Variants in RETREG1 observed in about 807,000 individuals in gnomAD.
The protein encoded by RETREG1 is reticulophagy regulator 1.
Under a neutral mutation model 54.8 loss-of-function variants are expected in RETREG1, and 44 were observed. The observed-to-expected ratio is 0.80, with a 90% confidence interval of 0.63 to 1.03. The LOEUF (loss-of-function observed/expected upper bound fraction) is 1.03, where lower values mean the gene tolerates loss of function less well. RETREG1 is among the 50% of genes least tolerant of loss of function. The pLI is 0.00. For synonymous variants in RETREG1, 217 were observed against 238.5 expected (o/e 0.91, Z 0.83); for missense variants, 554 against 605.1 (o/e 0.92, Z 0.89).
intron 3 of RETREG1, among the ~76,000 whole-genome samples, chr5:16,556,949 C>A (rs1193303697): frequency 6.6e-6 from 1 of 152,182 alleles, no homozygotes; most frequent in Non-Finnish European, 1.5e-5. Flanking sequence ...CCTGCCTCAG[C>A]CTCCCAAGTA....
intron 1 of RETREG1, among the ~76,000 whole-genome samples, chr5:16,603,711 T>C (rs773391132): frequency 6.6e-6 from 1 of 151,200 alleles, no homozygotes; most frequent in Non-Finnish European, 1.5e-5. Context: ...GCACAACATG[T>C]CGGTACCCCA....
At chr5:16,544,906 C>A (rs985467267) in intron 3 of RETREG1, among the ~76,000 whole-genome samples, 12 of 152,112 alleles carry the variant, frequency 7.9e-5, no homozygotes, top group Admixed American at 7.9e-4. Context: ...TCCACTGGGG[C>A]CACATTATCT....
chr5:16,612,059 C>A (rs1255992594), intron 1 of RETREG1, among the ~76,000 whole-genome samples: 1 of 119,552 alleles, frequency 8.4e-6, no homozygotes, highest in African/African-American at 3.1e-5. Context: ...AGAGAGACTC[C>A]GTCTCAAAAA....
intron 3 of RETREG1, among the ~76,000 whole-genome samples, chr5:16,499,823 G>A (rs572146991): frequency 5.9e-5 from 9 of 152,278 alleles, no homozygotes; most frequent in East Asian, 3.9e-4. Flanking sequence ...TCTGGGCTTC[G>A]ACCCTTTCCC....
intron 3 of RETREG1, among the ~76,000 whole-genome samples, chr5:16,515,443 T>A (rs1207688793): frequency 6.6e-6 from 1 of 152,212 alleles, no homozygotes; most frequent in African/African-American, 2.4e-5. Flanking sequence ...ATTTTTGGCC[T>A]GAGAATTTTT....
chr5:16,581,565 A>ACACACAC (rs1561128532), intron 1 of RETREG1, among the ~76,000 whole-genome samples: 29 of 144,138 alleles, frequency 2.0e-4, no homozygotes, highest in African/African-American at 6.9e-4. Context: ...ACACACACAC[A>ACACACAC]AAACACACAC....
At chr5:16,596,687 G>A (rs1742901022) in intron 1 of RETREG1, among the ~76,000 whole-genome samples, 1 of 152,060 alleles carries the variant, frequency 6.6e-6, no homozygotes, top group African/African-American at 2.4e-5. Flanking sequence ...ACCCTCCAGG[G>A]CAAAACTCAG....
At chr5:16,475,350 T>C in intron 8 of RETREG1, 116 bp from the exon 9 acceptor site, 2 of 1,148,626 alleles carry the variant, frequency 1.7e-6, no homozygotes, top group Non-Finnish European at 2.5e-6. Flanking sequence ...GGCATTCATC[T>C]AGCCTCCTGG....
chr5:16,500,283 T>A (rs547228059), intron 3 of RETREG1, among the ~76,000 whole-genome samples: 5 of 152,308 alleles, frequency 3.3e-5, no homozygotes, highest in African/African-American at 1.2e-4. Flanking sequence ...CATTGCTACA[T>A]CCAGGTTTTG....
chr5:16,564,257 C>T (rs1442923044), intron 3 of RETREG1, among the ~76,000 whole-genome samples: 1 of 152,164 alleles, frequency 6.6e-6, no homozygotes, highest in Non-Finnish European at 1.5e-5. Flanking sequence ...TCATACTGAA[C>T]AAACTATGTA....
intron 3 of RETREG1, among the ~76,000 whole-genome samples, chr5:16,549,355 T>A (rs1356185128): frequency 1.3e-5 from 2 of 152,180 alleles, no homozygotes; most frequent in Non-Finnish European, 2.9e-5. Context: ...CTGGGATCAC[T>A]TCCCCCCCTA....
chr5:16,488,386 G>A (rs963161750), intron 3 of RETREG1, among the ~76,000 whole-genome samples: 1 of 152,186 alleles, frequency 6.6e-6, no homozygotes, highest in African/African-American at 2.4e-5. Flanking sequence ...CTGGGAGCAG[G>A]GGCAGCAACC....
chr5:16,591,743 C>T (rs773021585), intron 1 of RETREG1, among the ~76,000 whole-genome samples: 12 of 152,186 alleles, frequency 7.9e-5, no homozygotes, highest in Admixed American at 2.0e-4. Flanking sequence ...CCAAGTCCAA[C>T]GGAAAACATC....
At chr5:16,496,187 T>C (rs111258920) in intron 3 of RETREG1, among the ~76,000 whole-genome samples, 98 of 152,326 alleles carry the variant, frequency 6.4e-4, no homozygotes, top group African/African-American at 2.3e-3. Flanking sequence ...TTAATTTTCA[T>C]AAACAGTTAT....
chr5:16,610,842 G>C (rs928188922), intron 1 of RETREG1, among the ~76,000 whole-genome samples: 6 of 152,152 alleles, frequency 3.9e-5, no homozygotes, highest in African/African-American at 1.4e-4. Flanking sequence ...GTGGAAGTCA[G>C]TGTGGCGATT....
intron 1 of RETREG1, among the ~76,000 whole-genome samples, chr5:16,609,426 A>G (rs1399091523): frequency 1.3e-5 from 2 of 152,218 alleles, no homozygotes; most frequent in Non-Finnish European, 1.5e-5. Context: ...AAAGCACTAA[A>G]TGATATATAT....
chr5:16,508,206 A>G (rs960662950), intron 3 of RETREG1, among the ~76,000 whole-genome samples: 1 of 152,260 alleles, frequency 6.6e-6, no homozygotes, highest in Admixed American at 6.5e-5. Context: ...TTAAAATGCA[A>G]TAGGTTTTTA....
chr5:16,520,055 A>C (rs1740481137), intron 3 of RETREG1, among the ~76,000 whole-genome samples: 1 of 152,166 alleles, frequency 6.6e-6, no homozygotes. Flanking sequence ...AGCTACCTGG[A>C]AAGCATGGCC....
At chr5:16,503,352 G>A (rs1300861474) in intron 3 of RETREG1, among the ~76,000 whole-genome samples, 2 of 152,006 alleles carry the variant, frequency 1.3e-5, no homozygotes, top group Admixed American at 1.3e-4. Context: ...CCATGACTAT[G>A]GTAGAAGAGT....
Sources: gnomAD v4.1 joint callset for allele counts (sites outside exome capture counted in the v4.1 genomes callset) on GRCh38, gnomAD v4.1.1 for gene constraint, MANE v1.5 for transcripts, NCBI Gene and HGNC (gene_info 2026-07-23, HGNC 2026-07-21) for gene names.